The following CRYBG3 variants were observed in gnomAD, a reference collection of about 807,000 sequenced individuals.
CRYBG3 encodes the protein very large A-kinase anchor protein.
In CRYBG3, 127 loss-of-function variants were observed where a neutral mutation model predicts 244.2. The ratio of observed to expected loss-of-function variants is 0.52; its 90% confidence interval spans 0.45 to 0.60. The LOEUF (loss-of-function observed/expected upper bound fraction) is 0.60. CRYBG3 is among the 20% of genes least tolerant of loss of function. CRYBG3 has a pLI of 0.00. For missense variants in CRYBG3, 3,325 were observed against 3,442.5 expected (o/e 0.97, Z 0.85); for synonymous variants, 1,132 against 1,195.8 (o/e 0.95, Z 1.10).
intron 2 of CRYBG3, among the ~76,000 whole-genome samples, chr3:97,856,340 A>T (rs902726738): frequency 6.6e-6 from 1 of 152,222 alleles, no homozygotes. Flanking sequence ...TTAAACACAC[A>T]TGCTCTACAA....
intron 1 of CRYBG3, among the ~76,000 whole-genome samples, chr3:97,825,443 G>A (rs555608935): frequency 6.6e-6 from 1 of 152,172 alleles, no homozygotes; most frequent in Non-Finnish European, 1.5e-5. Context: ...TCTGGGCTGG[G>A]TACTTTTACT....
At chr3:97,867,924 CT>C (rs2039254346) in intron 3 of CRYBG3, among the ~76,000 whole-genome samples, 1 of 152,050 alleles carries the variant, frequency 6.6e-6, no homozygotes, top group Non-Finnish European at 1.5e-5. Context: ...TAGCTATATA[CT>C]TTTAGGCATT....
chr3:97,832,088 T>C (rs2038661656), intron 1 of CRYBG3, among the ~76,000 whole-genome samples: 1 of 152,082 alleles, frequency 6.6e-6, no homozygotes. Context: ...AATTGCTTGC[T>C]CGTTGATAGG....
chr3:97,885,456 T>C (rs2039496929), intron 7 of CRYBG3, among the ~76,000 whole-genome samples: 1 of 152,180 alleles, frequency 6.6e-6, no homozygotes, highest in African/African-American at 2.4e-5. Context: ...ACTTGAGTTG[T>C]ATCGAGTTCT....
intron 8 of CRYBG3, among the ~76,000 whole-genome samples, chr3:97,887,412 C>T (rs1433364848): frequency 6.6e-6 from 1 of 152,126 alleles, no homozygotes; most frequent in Non-Finnish European, 1.5e-5. Flanking sequence ...ATTCTGGGGA[C>T]ACTGTAGGAC....
At chr3:97,897,763 C>G (rs1263597867) in intron 12 of CRYBG3, among the ~76,000 whole-genome samples, 1 of 151,998 alleles carries the variant, frequency 6.6e-6, no homozygotes, top group Non-Finnish European at 1.5e-5. Flanking sequence ...ATTTAGTTCC[C>G]TTAGGAGACT....
intron 2 of CRYBG3, among the ~76,000 whole-genome samples, chr3:97,843,739 A>G (rs1281259104): frequency 6.6e-6 from 1 of 152,186 alleles, no homozygotes. Context: ...TGGCTTCTCT[A>G]AGAGGACAAG....
rs1448601027 is a variant in CRYBG3 at position 97,912,189 on chromosome 3, G to T, written c.8027G>T (p.Gly2676Val). The T allele has an allele frequency of 4.4e-6, 7 of 1,597,794 alleles. No individual in the cohort carries two copies. Among genetic ancestry groups the T allele is most frequent in the Non-Finnish European group, 6.0e-6 (7 of 1,171,738 alleles). The change falls in exon 16 of 22, where the codon GGG (glycine) becomes GTG (valine). Residue 2676 changes from glycine (G) to valine (V), a missense_variant. Gly to Val is a moderately radical substitution (Grantham distance 109, BLOSUM62 -3). Coordinates refer to ENST00000389622, the MANE Select transcript of CRYBG3 (RefSeq NM_153605.4). ...TAGCTCAAAGCATTCAGCAAACCAG[G>T]GTTCCAAGGTGAATGTATAGATTTT... is the stretch of plus-strand genomic sequence containing the variant. ...PHLLKAFSKP[G>V]FQGECIDFTE...
chr3:97,850,903 G>A (rs568161358), intron 2 of CRYBG3, among the ~76,000 whole-genome samples: 13 of 151,950 alleles, frequency 8.6e-5, no homozygotes, highest in South Asian at 4.2e-4. Context: ...AGGCTGAGGC[G>A]GGTCAATCAC....
intron 3 of CRYBG3, 82 bp from the exon 4 acceptor site, chr3:97,871,757 AGAT>A: frequency 1.0e-6 from 1 of 958,786 alleles, no homozygotes; most frequent in Non-Finnish European, 1.5e-6. Context: ...GGTGTTTAAA[AGAT>A]GTACTTTTAC....
At chr3:97,846,526 G>A (rs775279732) in intron 2 of CRYBG3, among the ~76,000 whole-genome samples, 2 of 152,132 alleles carry the variant, frequency 1.3e-5, no homozygotes, top group African/African-American at 2.4e-5. Flanking sequence ...TAATATCTTC[G>A]GAGATGTTTT....
At chr3:97,846,073 T>G (rs2108175797) in intron 2 of CRYBG3, among the ~76,000 whole-genome samples, 1 of 152,306 alleles carries the variant, frequency 6.6e-6, no homozygotes, top group African/African-American at 2.4e-5. Context: ...ATGAAAGCTA[T>G]TCCATGAAAC....
chr3:97,874,062 G>A lies in CRYBG3; in HGVS notation c.2868G>A (p.Met956Ile), dbSNP rs77594735. 9.6e-4 allele frequency: 1,470 copies of A among 1,535,852 alleles called. 2 individuals carry two copies. Among genetic ancestry groups the A allele is most frequent in the Non-Finnish European group, 1.2e-3 (1,372 of 1,146,820 alleles). The change falls in exon 4 of 22, where the codon ATG (methionine) becomes ATA (isoleucine). Residue 956 changes from methionine (M) to isoleucine (I), a missense_variant. Physicochemically the swap from Met to Ile is conservative, Grantham distance 10. Transcript: ENST00000389622. Reference sequence around the variant, plus strand: ...ATGATGAAAAAATCAGTAGGCAAATGGCGCAGAATTGTGAAGCTCACACTT... The same window carrying A: ...ATGATGAAAAAATCAGTAGGCAAATAGCGCAGAATTGTGAAGCTCACACTT... ...PIHDEKISRQ[M>I]AQNCEAHTCV...
chr3:97,894,515 T>G (rs956788382), intron 11 of CRYBG3, among the ~76,000 whole-genome samples: 1 of 152,130 alleles, frequency 6.6e-6, no homozygotes, highest in African/African-American at 2.4e-5. Flanking sequence ...CTGGGGAAAG[T>G]AAAACTAATG....
At position 97,941,224 on chromosome 3, in the gene CRYBG3, G is replaced by A; in HGVS notation, c.8582G>A (p.Arg2861Lys). 1 of 1,611,388 alleles carries A rather than the reference G, an allele frequency of 6.2e-7. No homozygotes were observed. Among genetic ancestry groups the A allele is most frequent in the Non-Finnish European group, 8.5e-7 (1 of 1,178,080 alleles). Residue 2861 changes from arginine (R) to lysine (K), a missense_variant, in exon 20 of 22, where the codon AGG (arginine) becomes AAG (lysine). Physicochemically the swap from Arg to Lys is conservative, Grantham distance 26 (BLOSUM62 2). Around this residue, in one of 4 missense-constraint regions of CRYBG3, gnomAD observed 714 missense variants for 803.6 expected, o/e 0.89. Transcript: ENST00000389622. ...GTCACTGGAAGTCTAGCAGACACCA[G>A]GGCAACATCTGTGTGCATTTCTCCC... ...LTVTGSLADT[R>K]ATSVCISPYS...
At chr3:97,933,997 G>A (rs763608856) in intron 18 of CRYBG3, among the ~76,000 whole-genome samples, 164 bp downstream of exon 18, 16 of 152,238 alleles carry the variant, frequency 1.1e-4, no homozygotes, top group Middle Eastern at 3.4e-3. Flanking sequence ...GTGTCATAGA[G>A]TAGGTCAATC....
chr3:97,898,783 G>A (rs1348405865), intron 12 of CRYBG3, 100 bp from the exon 13 acceptor site: 10 of 758,892 alleles, frequency 1.3e-5, no homozygotes, highest in African/African-American at 9.1e-5. Context: ...AGTTATTTGT[G>A]TAAAAATTAC....
At chr3:97,870,725 A>G (rs2039292549) in intron 3 of CRYBG3, among the ~76,000 whole-genome samples, 1 of 152,220 alleles carries the variant, frequency 6.6e-6, no homozygotes, top group South Asian at 2.1e-4. Context: ...AGCAGTAAGT[A>G]TCATTCCTTT....
chr3:97,883,484 C>G (rs567329123), intron 7 of CRYBG3, among the ~76,000 whole-genome samples: 22 of 152,074 alleles, frequency 1.4e-4, no homozygotes, highest in South Asian at 6.2e-4. Flanking sequence ...CTCTCTCACC[C>G]CCCCCACCAA....
Sources: gnomAD v4.1 joint callset for allele counts (sites outside exome capture counted in the v4.1 genomes callset) on GRCh38, gnomAD v4.1.1 for gene constraint, gnomAD v4.1.1 regional missense constraint, MANE v1.5 for transcripts, NCBI Gene and HGNC (gene_info 2026-07-23, HGNC 2026-07-21) for gene names.